Variants in DOCK9 observed in about 807,000 individuals in gnomAD.
The protein encoded by DOCK9 is dedicator of cytokinesis protein 9.
A neutral mutation model predicts 263.3 loss-of-function variants in DOCK9; 89 were observed. The observed-to-expected ratio is 0.34, with a 90% CI of 0.28 to 0.40. The LOEUF (loss-of-function observed/expected upper bound fraction) is 0.40, where lower values mean the gene tolerates loss of function less well. Ranked by LOEUF, DOCK9 falls within the 10% of genes least tolerant of loss-of-function variation. DOCK9 has a pLI of 1.00. For synonymous variants in DOCK9, 976 were observed against 973.1 expected (o/e 1.00, Z -0.06); for missense variants, 2,140 against 2,603.4 (o/e 0.82, Z 3.87).
rs147194623 is a variant in DOCK9 at position 98,942,843 on chromosome 13, G to A, written c.244-12586C>T. Among the ~76,000 whole-genome samples the A allele has an allele frequency of 4.0e-3, 614 of 152,240 alleles. 11 individuals are homozygous for A. In the South Asian group the frequency reaches 0.047, roughly 12 times the overall value. On this transcript the variant is annotated intron_variant, in intron 2 of 52. Transcript: ENST00000682017. ...ACTGTGCTGACTACTGTAGGGAGAC[G>A]TAACACAATGGAAGTATGTGTGTAC...
intron 1 of DOCK9, among the ~76,000 whole-genome samples, chr13:99,063,266 A>T (rs1264816946): frequency 6.6e-6 from 1 of 152,266 alleles, no homozygotes; most frequent in Non-Finnish European, 1.5e-5. Context: ...TGCTCTATTC[A>T]TGGCTAGTGA....
At chr13:99,064,052 T>G (rs1000086386) in intron 1 of DOCK9, among the ~76,000 whole-genome samples, 2 of 152,224 alleles carry the variant, frequency 1.3e-5, no homozygotes, top group African/African-American at 4.8e-5. Flanking sequence ...AACTCTCCTT[T>G]ATCCTCCACC....
At chr13:99,081,229 T>C (rs1376369120) in intron 1 of DOCK9, among the ~76,000 whole-genome samples, 1 of 152,164 alleles carries the variant, frequency 6.6e-6, no homozygotes, top group East Asian at 1.9e-4. Flanking sequence ...TACTTGAGAA[T>C]TTCAAAGAAC....
chr13:98,925,756 T>C, intron 4 of DOCK9, 81 bp downstream of exon 4: 1 of 905,292 alleles, frequency 1.1e-6, no homozygotes, highest in Admixed American at 2.9e-5. Flanking sequence ...ATTACTCTGA[T>C]TGCATATGAA....
intron 19 of DOCK9, 134 bp downstream of exon 19, chr13:98,886,398 T>G: frequency 1.8e-6 from 1 of 570,538 alleles, no homozygotes; most frequent in Non-Finnish European, 3.0e-6. Context: ...AAAGAAATAC[T>G]TCAACATGCA....
intron 21 of DOCK9, 121 bp downstream of exon 21, chr13:98,884,850 T>C: frequency 3.4e-6 from 4 of 1,188,062 alleles, no homozygotes; most frequent in Non-Finnish European, 4.7e-6. Flanking sequence ...AATGAATAAC[T>C]AATATCAAAA....
chr13:99,060,602 T>A (rs889412017), intron 1 of DOCK9, among the ~76,000 whole-genome samples: 6 of 152,168 alleles, frequency 3.9e-5, no homozygotes, highest in Admixed American at 2.6e-4. Context: ...ACGGTTCAAA[T>A]CTCTCCACGT....
chr13:98,882,775 T>C (rs1013928800), intron 23 of DOCK9, among the ~76,000 whole-genome samples: 5 of 152,168 alleles, frequency 3.3e-5, no homozygotes, highest in African/African-American at 1.2e-4. Flanking sequence ...GGGAGGTCCG[T>C]CTCAAGTGAG....
At position 98,800,434 on chromosome 13, in the gene DOCK9, A is replaced by T. The variant is rs1250864658; in HGVS notation, c.5770T>A (p.Tyr1924Asn). The T allele has an allele frequency of 1.2e-6, 2 of 1,614,054 alleles. No individual in the cohort carries two copies. The highest frequency in any genetic ancestry group is 2.2e-5 in the South Asian group (2 of 91,084). ...PYVKKRIPVM[Y>N]QHHTDLNPIE... is the part of the protein sequence containing the mutation. ...GGGTTCAGGTCAGTGTGGTGCTGGT[A>T]CATGACAGGGATGCGCTTCTTCACA... Residue 1924 changes from tyrosine to asparagine, a missense_variant, in exon 50 of 53, where the codon TAC (tyrosine) becomes AAC (asparagine). Around this residue, in one of 2 missense-constraint regions of DOCK9, gnomAD observed 619 missense variants for 861.8 expected, o/e 0.72. Coordinates refer to ENST00000682017, the MANE Select transcript of DOCK9 (RefSeq NM_001366683.2).
intron 1 of DOCK9, among the ~76,000 whole-genome samples, chr13:99,030,848 C>T (rs1020876057): frequency 2.0e-5 from 3 of 152,188 alleles, no homozygotes; most frequent in Non-Finnish European, 4.4e-5. Context: ...CAGAACCACT[C>T]CCCACACTAA....
intron 1 of DOCK9, among the ~76,000 whole-genome samples, chr13:99,077,645 G>A (rs768584656): frequency 5.9e-5 from 9 of 152,184 alleles, no homozygotes; most frequent in African/African-American, 2.2e-4. Context: ...GAAAGGGGAT[G>A]CCAGGTTGCA....
intron 27 of DOCK9, among the ~76,000 whole-genome samples, chr13:98,877,491 CTTATG>C (rs1435555569): frequency 6.6e-6 from 1 of 152,160 alleles, no homozygotes; most frequent in Non-Finnish European, 1.5e-5. Context: ...GCAGAAAAGC[CTTATG>C]TTCATGTAGT....
intron 1 of DOCK9, among the ~76,000 whole-genome samples, chr13:99,041,792 TAA>T (rs1241736264): frequency 1.3e-5 from 2 of 152,176 alleles, no homozygotes; most frequent in Admixed American, 1.3e-4. Context: ...ACTATGCTAA[TAA>T]GAGACAGAAG....
chr13:98,846,997 T>A (rs2093413311), intron 37 of DOCK9: 1 of 174,010 alleles, frequency 5.7e-6, no homozygotes, highest in African/African-American at 2.4e-5. Flanking sequence ...TTTAAGGCAG[T>A]CCACACTTTT....
At chr13:98,933,548 G>A (rs1054987186) in intron 2 of DOCK9, among the ~76,000 whole-genome samples, 27 of 152,280 alleles carry the variant, frequency 1.8e-4, no homozygotes, top group Admixed American at 1.6e-3. Context: ...TAACCTTGAT[G>A]TTAACAAAGA....
chr13:98,982,487 C>G (rs1054878348), upstream of DOCK9, among the ~76,000 whole-genome samples: 1 of 152,156 alleles, frequency 6.6e-6, no homozygotes, highest in African/African-American at 2.4e-5. Flanking sequence ...TATTATGGAG[C>G]TTTTCAGAGT....
At chr13:98,991,244 G>A (rs924387772) in intron 1 of DOCK9, among the ~76,000 whole-genome samples, 4 of 152,042 alleles carry the variant, frequency 2.6e-5, no homozygotes, top group African/African-American at 4.8e-5. Context: ...GCTGATTTTC[G>A]TATTTTTAGT....
chr13:99,085,851 T>TGCGGGGG (rs1474473817), intron 1 of DOCK9, among the ~76,000 whole-genome samples: 20 of 45,162 alleles, frequency 4.4e-4, no homozygotes, highest in African/African-American at 1.7e-3. Context: ...GGGGGAGGGA[T>TGCGGGGG]ACGGGGGAGG....
At chr13:98,899,763 C>T (rs955853837) in intron 13 of DOCK9, among the ~76,000 whole-genome samples, 1 of 152,134 alleles carries the variant, frequency 6.6e-6, no homozygotes, top group Non-Finnish European at 1.5e-5. Context: ...ATCAATAAGC[C>T]TTTTCTGCAG....
Sources: gnomAD v4.1 joint callset for allele counts (sites outside exome capture counted in the v4.1 genomes callset) on GRCh38, gnomAD v4.1.1 for gene constraint, gnomAD v4.1.1 regional missense constraint, MANE v1.5 for transcripts, NCBI Gene and HGNC (gene_info 2026-07-23, HGNC 2026-07-21) for gene names.